The following GMDS variants were observed in gnomAD, a reference collection of about 807,000 sequenced individuals.
GMDS encodes GDP-mannose 4,6-dehydratase.
Under a neutral mutation model 49.9 loss-of-function variants are expected in GMDS, and 20 were observed. The ratio of observed to expected loss-of-function variants is 0.40; its 90% CI spans 0.28 to 0.58. GMDS has a LOEUF of 0.58. Ranked by LOEUF, GMDS falls within the 20% of genes least tolerant of loss-of-function variation. The pLI, the probability that GMDS is intolerant of heterozygous loss-of-function variation, is 0.42. For synonymous variants in GMDS, 177 were observed against 178.6 expected, an observed-to-expected ratio of 0.99 and a Z score of 0.07; for missense variants, 362 against 481.4, an observed-to-expected ratio of 0.75 and a Z score of 2.32.
chr6:2,195,977 A>G (rs1779259835), intron 1 of GMDS, among the ~76,000 whole-genome samples: 1 of 152,138 alleles, frequency 6.6e-6, no homozygotes, highest in Non-Finnish European at 1.5e-5. Flanking sequence ...TAAGTAAATA[A>G]TCATAACATC....
chr6:1,988,021 C>T (rs757787874), intron 4 of GMDS, among the ~76,000 whole-genome samples: 2 of 152,108 alleles, frequency 1.3e-5, no homozygotes, highest in African/African-American at 2.4e-5. Flanking sequence ...GGAAAACAAC[C>T]AAACCACCAA....
intron 7 of GMDS, among the ~76,000 whole-genome samples, chr6:1,855,405 T>G (rs77271774): frequency 0.017 from 2,567 of 152,292 alleles, 53 homozygotes; most frequent in African/African-American, 0.059. Context: ...AAAGAAAAAG[T>G]AAAAATGCAA....
At chr6:2,175,994 A>G (rs1778266165) in intron 1 of GMDS, 1 of 1,534,766 alleles carries the variant, frequency 6.5e-7, no homozygotes, top group Admixed American at 2.0e-5. Context: ...TGTGTACAAA[A>G]CTGGATCACA....
intron 1 of GMDS, among the ~76,000 whole-genome samples, chr6:2,187,690 A>G (rs1778839020): frequency 6.6e-6 from 1 of 152,252 alleles, no homozygotes; most frequent in South Asian, 2.1e-4. Flanking sequence ...AGAACAGTAA[A>G]GACTTAAACC....
At chr6:1,793,956 A>C (rs1769642316) in intron 7 of GMDS, among the ~76,000 whole-genome samples, 1 of 152,256 alleles carries the variant, frequency 6.6e-6, no homozygotes, top group South Asian at 2.1e-4. Flanking sequence ...AAGTGGAATG[A>C]TGGAAAGGGC....
intron 1 of GMDS, among the ~76,000 whole-genome samples, chr6:2,185,267 C>T (rs1778728076): frequency 6.6e-6 from 1 of 152,182 alleles, no homozygotes; most frequent in South Asian, 2.1e-4. Context: ...TCAACAACAA[C>T]ATCCTCCTAC....
chr6:2,151,339 T>C (rs1282562816), intron 1 of GMDS, among the ~76,000 whole-genome samples: 2 of 151,860 alleles, frequency 1.3e-5, no homozygotes, highest in African/African-American at 4.8e-5. Context: ...TTAAAACAAT[T>C]TTTTTATTTT....
chr6:1,654,264 A>T (rs181123844), intron 9 of GMDS, among the ~76,000 whole-genome samples: 1 of 152,342 alleles, frequency 6.6e-6, no homozygotes, highest in East Asian at 1.9e-4. Context: ...CTGGGCTAGT[A>T]ACCAGAAGAA....
chr6:1,980,395 T>C (rs1765153638), intron 4 of GMDS, among the ~76,000 whole-genome samples: 1 of 151,142 alleles, frequency 6.6e-6, no homozygotes, highest in Non-Finnish European at 1.5e-5. Context: ...GTTGCAATCC[T>C]AGTTTCTGAC....
At chr6:1,873,280 G>A (rs1462657973) in intron 7 of GMDS, among the ~76,000 whole-genome samples, 3 of 152,152 alleles carry the variant, frequency 2.0e-5, no homozygotes, top group South Asian at 2.1e-4. Context: ...CCTGTCAGAC[G>A]GTGTTTGCAT....
At chr6:2,089,409 T>C (rs1051969937) in intron 4 of GMDS, among the ~76,000 whole-genome samples, 1 of 151,284 alleles carries the variant, frequency 6.6e-6, no homozygotes, top group Non-Finnish European at 1.5e-5. Context: ...GAGAACAAAA[T>C]AAAATAAATG....
intron 6 of GMDS, among the ~76,000 whole-genome samples, chr6:1,932,509 T>C (rs945453828): frequency 1.1e-4 from 16 of 151,918 alleles, no homozygotes; most frequent in African/African-American, 3.1e-4. Flanking sequence ...CTTGGATAAC[T>C]AGCCAAAATT....
intron 9 of GMDS, among the ~76,000 whole-genome samples, chr6:1,632,353 T>C (rs1032516006): frequency 1.3e-5 from 2 of 152,176 alleles, no homozygotes; most frequent in Non-Finnish European, 2.9e-5. Context: ...GTACATATTG[T>C]ATGATTTGCT....
chr6:2,187,192 T>C (rs565583153), intron 1 of GMDS, among the ~76,000 whole-genome samples: 10 of 152,350 alleles, frequency 6.6e-5, no homozygotes, highest in Admixed American at 1.3e-4. Flanking sequence ...CTCAGGCTGG[T>C]GTGCAGGTAA....
At chr6:2,170,410 G>C (rs1289520883) in intron 1 of GMDS, among the ~76,000 whole-genome samples, 1 of 152,038 alleles carries the variant, frequency 6.6e-6, no homozygotes, top group Non-Finnish European at 1.5e-5. Context: ...AGGATATCTT[G>C]AGGCCAGGAG....
chr6:1,819,791 A>ATC (rs1770818409), intron 7 of GMDS, among the ~76,000 whole-genome samples: 2 of 147,712 alleles, frequency 1.4e-5, no homozygotes, highest in South Asian at 4.2e-4. Context: ...ATATATATAT[A>ATC]TATATATCTA....
chr6:2,065,908 G>A (rs561455629), intron 4 of GMDS, among the ~76,000 whole-genome samples: 1 of 152,260 alleles, frequency 6.6e-6, no homozygotes, highest in African/African-American at 2.4e-5. Context: ...TCAGGTTCAG[G>A]AAATACAGAG....
intron 9 of GMDS, among the ~76,000 whole-genome samples, chr6:1,665,841 G>A (rs929012936): frequency 6.6e-6 from 1 of 152,204 alleles, no homozygotes; most frequent in Non-Finnish European, 1.5e-5. Flanking sequence ...GAAGCCCGCT[G>A]TGTGAAAAAG....
At chr6:1,643,843 A>G (rs116065276) in intron 9 of GMDS, among the ~76,000 whole-genome samples, 1,617 of 152,208 alleles carry the variant, frequency 0.011, 23 homozygotes, top group African/African-American at 0.037. Context: ...AAAAAAGTTG[A>G]AAGTCTCTTC....
Sources: gnomAD v4.1 joint callset for allele counts (sites outside exome capture counted in the v4.1 genomes callset) on GRCh38, gnomAD v4.1.1 for gene constraint, MANE v1.5 for transcripts, NCBI Gene and HGNC (gene_info 2026-07-23, HGNC 2026-07-21) for gene names.